Variants in PRKCA observed in about 807,000 individuals in gnomAD.
PRKCA encodes the protein protein kinase C alpha, also known as protein kinase C alpha type.
A neutral mutation model predicts 87.0 loss-of-function variants in PRKCA; 27 were observed. The ratio of observed to expected loss-of-function variants is 0.31; its 90% CI spans 0.23 to 0.43. PRKCA has a LOEUF of 0.43. Ranked by LOEUF, PRKCA falls within the 20% of genes least tolerant of loss-of-function variation. The pLI, the probability that PRKCA is intolerant of heterozygous loss-of-function variation, is 1.00. For synonymous variants in PRKCA, 329 were observed against 311.1 expected, an observed-to-expected ratio of 1.06 and a Z score of -0.61; for missense variants, 518 against 852.3, an observed-to-expected ratio of 0.61 and a Z score of 4.88.
intron 2 of PRKCA, among the ~76,000 whole-genome samples, chr17:66,385,247 T>A (rs145505352): frequency 6.6e-6 from 1 of 152,318 alleles, no homozygotes; most frequent in African/African-American, 2.4e-5. Flanking sequence ...CCCATCAACC[T>A]AGAGTTGAGT....
chr17:66,765,926 G>A (rs1433243407), intron 13 of PRKCA, among the ~76,000 whole-genome samples: 4 of 152,178 alleles, frequency 2.6e-5, no homozygotes, highest in African/African-American at 9.7e-5. Context: ...CCCTATACCT[G>A]TAACTGAGAT....
At chr17:66,534,057 C>G (rs1377706526) in intron 3 of PRKCA, among the ~76,000 whole-genome samples, 3 of 151,878 alleles carry the variant, frequency 2.0e-5, no homozygotes, top group Non-Finnish European at 4.4e-5. Context: ...TTTTCTGGAA[C>G]TGCTGCCCCC....
intron 11 of PRKCA, among the ~76,000 whole-genome samples, chr17:66,741,079 T>A (rs1229566682): frequency 6.6e-6 from 1 of 152,236 alleles, no homozygotes; most frequent in African/African-American, 2.4e-5. Context: ...AATATTCGCC[T>A]CCTTTTAATC....
At chr17:66,519,755 C>G (rs925059257) in intron 3 of PRKCA, among the ~76,000 whole-genome samples, 1 of 152,212 alleles carries the variant, frequency 6.6e-6, no homozygotes, top group Non-Finnish European at 1.5e-5. Flanking sequence ...AGCAGATATT[C>G]ACACACCACA....
chr17:66,767,296 T>C (rs1002010514), intron 13 of PRKCA, among the ~76,000 whole-genome samples: 2 of 152,296 alleles, frequency 1.3e-5, no homozygotes, highest in Admixed American at 6.5e-5. Context: ...ATGATGTTAT[T>C]TGAGGACCTG....
At chr17:66,546,488 C>T (rs142141807) in intron 3 of PRKCA, among the ~76,000 whole-genome samples, 197 of 152,294 alleles carry the variant, frequency 1.3e-3, no homozygotes, top group African/African-American at 4.5e-3. Context: ...CATTTTCCTA[C>T]GTTGTGTTAG....
intron 2 of PRKCA, among the ~76,000 whole-genome samples, chr17:66,306,853 C>T (rs1904842919): frequency 6.6e-6 from 1 of 152,182 alleles, no homozygotes; most frequent in Non-Finnish European, 1.5e-5. Flanking sequence ...GAAGGCATCA[C>T]AGGCTCATTA....
intron 13 of PRKCA, among the ~76,000 whole-genome samples, chr17:66,766,120 A>T (rs967437207): frequency 2.0e-5 from 3 of 152,202 alleles, no homozygotes; most frequent in Admixed American, 6.5e-5. Context: ...GCGGCTGATG[A>T]GGATGAGTGC....
chr17:66,386,230 T>C (rs963875558), intron 2 of PRKCA, among the ~76,000 whole-genome samples: 72 of 152,226 alleles, frequency 4.7e-4, no homozygotes, highest in African/African-American at 1.7e-3. Flanking sequence ...AGTATAGATC[T>C]TGGACCTCTT....
At chr17:66,545,225 G>C (rs227911) in intron 3 of PRKCA, among the ~76,000 whole-genome samples, 1 of 147,584 alleles carries the variant, frequency 6.8e-6, no homozygotes. Context: ...TCAGGAGATC[G>C]AGACCATCCT....
intron 14 of PRKCA, among the ~76,000 whole-genome samples, chr17:66,775,938 G>C (rs1334688795): frequency 6.6e-6 from 1 of 152,248 alleles, no homozygotes; most frequent in African/African-American, 2.4e-5. Flanking sequence ...CAGGAAAGAA[G>C]ATAGTGTTGG....
intron 2 of PRKCA, among the ~76,000 whole-genome samples, chr17:66,488,522 C>G (rs1860777815): frequency 6.6e-6 from 1 of 152,184 alleles, no homozygotes; most frequent in Admixed American, 6.5e-5. Flanking sequence ...TCTTGACTCG[C>G]CTTTCCTTCA....
intron 2 of PRKCA, among the ~76,000 whole-genome samples, chr17:66,411,350 C>G (rs1468870969): frequency 1.3e-5 from 2 of 151,904 alleles, no homozygotes; most frequent in African/African-American, 4.8e-5. Flanking sequence ...GCATGAGCCA[C>G]TGCGCGCAGC....
chr17:66,513,985 C>T (rs1966881469), intron 3 of PRKCA, among the ~76,000 whole-genome samples: 2 of 152,100 alleles, frequency 1.3e-5, no homozygotes, highest in Non-Finnish European at 2.9e-5. Flanking sequence ...CAGTAGTCCC[C>T]ACTTATGTGT....
chr17:66,798,593 G>A (rs12940381), intron 16 of PRKCA, among the ~76,000 whole-genome samples: 3 of 36,732 alleles, frequency 8.2e-5, no homozygotes, highest in Non-Finnish European at 1.8e-4. Flanking sequence ...GGTGGTGGTG[G>A]TGGTGGTGGT....
intron 3 of PRKCA, among the ~76,000 whole-genome samples, chr17:66,590,755 C>T (rs938833814): frequency 1.3e-5 from 2 of 151,998 alleles, no homozygotes; most frequent in African/African-American, 4.8e-5. Context: ...GAGGCTGAGG[C>T]AGGAGAATCA....
At chr17:66,357,925 G>A (rs749456888) in intron 2 of PRKCA, among the ~76,000 whole-genome samples, 1 of 151,582 alleles carries the variant, frequency 6.6e-6, no homozygotes, top group African/African-American at 2.4e-5. Flanking sequence ...GAGTGCCTTG[G>A]TAAGCCAGTT....
At chr17:66,784,406 C>T (rs546773723) in intron 14 of PRKCA, among the ~76,000 whole-genome samples, 3 of 152,180 alleles carry the variant, frequency 2.0e-5, no homozygotes, top group African/African-American at 7.2e-5. Context: ...CCACCACAGT[C>T]GGCTAATTTT....
Position 66,667,173 on chromosome 17 carries a change from C to T in PRKCA, c.530-19938C>T, listed in dbSNP as rs529418444. 3.4e-3 allele frequency among the ~76,000 whole-genome samples: 515 copies of T among 152,248 alleles called. 3 individuals carry two copies. The highest frequency in any genetic ancestry group is 0.012 in the African/African-American group (489 of 41,530). Reference sequence around the variant, plus strand: ...TTTTAAATCCCATCTGGAATGTCTGCGTGTTTAGTTCAGTTGGAGGTTAGG... The same window carrying T: ...TTTTAAATCCCATCTGGAATGTCTGTGTGTTTAGTTCAGTTGGAGGTTAGG... On this transcript the variant is annotated intron_variant, in intron 5 of 16. Transcript: ENST00000413366.
Sources: allele counts gnomAD v4.1 joint callset (sites outside exome capture counted in the v4.1 genomes callset), GRCh38; gene constraint gnomAD v4.1.1; transcripts MANE v1.5; gene names NCBI Gene and HGNC (gene_info 2026-07-23, HGNC 2026-07-21).